Variants in LIMCH1 observed in about 807,000 individuals in gnomAD.
LIMCH1 encodes the protein LIM and calponin homology domains 1.
A neutral mutation model predicts 176.5 loss-of-function variants in LIMCH1; 113 were observed. The observed-to-expected ratio is 0.64, with a 90% CI of 0.55 to 0.75. LIMCH1 has a LOEUF of 0.75. Ranked by LOEUF, LIMCH1 falls within the 30% of genes least tolerant of loss-of-function variation. The pLI is 0.00. For synonymous variants in LIMCH1, 619 were observed against 645.9 expected, an observed-to-expected ratio of 0.96 and a Z score of 0.63; for missense variants, 1,674 against 1,814.9, an observed-to-expected ratio of 0.92 and a Z score of 1.41.
intron 1 of LIMCH1, among the ~76,000 whole-genome samples, chr4:41,368,730 G>A (rs1581103446): frequency 1.3e-5 from 2 of 152,248 alleles, no homozygotes; most frequent in South Asian, 4.1e-4. Context: ...TAGGGCAGGG[G>A]GTGAAGGTAC....
At chr4:41,587,249 T>C (rs969172879) in intron 1 of LIMCH1, among the ~76,000 whole-genome samples, 2 of 152,260 alleles carry the variant, frequency 1.3e-5, no homozygotes, top group African/African-American at 4.8e-5. Flanking sequence ...TAGTTTTGTC[T>C]GCCCTAGGGA....
chr4:41,569,528 AAAG>A (rs1473443867), intron 1 of LIMCH1, among the ~76,000 whole-genome samples: 1 of 152,170 alleles, frequency 6.6e-6, no homozygotes. Context: ...ACGCGAAGTA[AAAG>A]AATAGGAGGG....
At chr4:41,497,805 C>CAAA (rs58720797) in intron 2 of LIMCH1, among the ~76,000 whole-genome samples, 26,613 of 140,194 alleles carry the variant, frequency 0.19, 3,509 homozygotes, top group African/African-American at 0.38. Context: ...AACTTCGTCT[C>CAAA]AAAAAAAAAA....
upstream of LIMCH1, among the ~76,000 whole-genome samples, chr4:41,534,375 G>C (rs2077651466): frequency 6.6e-6 from 1 of 152,158 alleles, no homozygotes; most frequent in Admixed American, 6.5e-5. Flanking sequence ...TAAAAAAGGT[G>C]TACATCTTAG....
At position 41,632,809 on chromosome 4, in the gene LIMCH1, G is replaced by A. The variant is rs187942563; in HGVS notation, c.1662G>A (p.Pro554=). Residue 554 remains proline, a synonymous_variant, in exon 11 of 32, where the codon CCG becomes CCA. Transcript: ENST00000503057. Reference sequence around the variant, plus strand: ...GGGCCTCGTGGCTGGCTCCTGTGCCGGAGTCTCAGGAAGAGTGGGTCTGCA... The same window carrying A: ...GGGCCTCGTGGCTGGCTCCTGTGCCAGAGTCTCAGGAAGAGTGGGTCTGCA... ...CRRASWLAPV[P]ESQEEWVCSL... 7.0e-3 allele frequency: 10,736 copies of A among 1,536,136 alleles called. 100 individuals carry two copies. Among genetic ancestry groups the A allele is most frequent in the Non-Finnish European group, 6.9e-3 (7,936 of 1,146,888 alleles).
intron 1 of LIMCH1, among the ~76,000 whole-genome samples, chr4:41,388,658 T>TC (rs2056817434): frequency 1.3e-5 from 2 of 152,124 alleles, no homozygotes; most frequent in African/African-American, 4.8e-5. Context: ...TTTTTTGTTT[T>TC]TGAGACAGAG....
intron 1 of LIMCH1, among the ~76,000 whole-genome samples, chr4:41,489,741 TG>T (rs2070400252): frequency 6.6e-6 from 1 of 151,930 alleles, no homozygotes; most frequent in South Asian, 2.1e-4. Context: ...GAGAGTTACA[TG>T]GGCACTTGAA....
intron 16 of LIMCH1, 28 bp downstream of exon 16, chr4:41,646,308 T>G: frequency 6.3e-7 from 1 of 1,583,182 alleles, no homozygotes; most frequent in Non-Finnish European, 8.5e-7. Flanking sequence ...TCGTTTTTAA[T>G]GTACAATATT....
At chr4:41,609,660 G>A (rs1285716428) in intron 4 of LIMCH1, 1 of 455,902 alleles carries the variant, frequency 2.2e-6, no homozygotes, top group South Asian at 1.5e-5. Flanking sequence ...AGGAAGATGA[G>A]TAAAATAATC....
chr4:41,684,431 C>T lies in LIMCH1; in HGVS notation c.3880C>T (p.Pro1294Ser). 2 of 1,613,630 alleles carry T rather than the reference C, an allele frequency of 1.2e-6. No individual in the cohort carries two copies. Among genetic ancestry groups the T allele is most frequent in the Non-Finnish European group, 8.5e-7 (1 of 1,179,788 alleles). ...TEGALAHSGN[P>S]VSKGVHEDHQ... ...AGGGGCCTTGGCTCATTCTGGGAAC[C>T]CTGTATCAAAAGGAGTCCATGAAGA... The change falls in exon 27 of 32, where the codon CCT becomes TCT. Residue 1294 changes from proline to serine, a missense_variant. This residue lies in a region of LIMCH1 where 1,015 missense variants were observed against 1,102.5 expected (regional missense o/e 0.92). Transcript: ENST00000503057.
At chr4:41,612,900 T>C in intron 4 of LIMCH1, 1 of 1,432,072 alleles carries the variant, frequency 7.0e-7, no homozygotes, top group African/African-American at 1.4e-5. Flanking sequence ...CAGCTCCCTT[T>C]CAGAGCAGGA....
chr4:41,364,558 A>C (rs559220645), intron 1 of LIMCH1, among the ~76,000 whole-genome samples: 16 of 152,306 alleles, frequency 1.1e-4, no homozygotes, highest in African/African-American at 3.8e-4. Flanking sequence ...TCTAATTTGC[A>C]CTAAAAGTGA....
At chr4:41,559,974 G>C (rs552130725) in intron 1 of LIMCH1, among the ~76,000 whole-genome samples, 105 of 152,056 alleles carry the variant, frequency 6.9e-4, no homozygotes, top group Non-Finnish European at 1.3e-3. Flanking sequence ...TGATAGTCCC[G>C]ATCTCTTTCC....
chr4:41,470,368 A>G lies in LIMCH1; in HGVS notation c.97-24168A>G, dbSNP rs551700654. ...TGTAAGGCTAGACCTTACCCTTGTGATCTACATCCTTTCACCCATTCAGAG... is the reference window on the plus strand; with the variant it reads ...TGTAAGGCTAGACCTTACCCTTGTGGTCTACATCCTTTCACCCATTCAGAG... On this transcript the variant is annotated intron_variant, in intron 1 of 26. Coordinates refer to the LIMCH1 transcript ENST00000313860. 4.6e-5 allele frequency among the ~76,000 whole-genome samples: 7 copies of G among 152,222 alleles called. No homozygotes were observed. The South Asian group carries it at 1.5e-3, about 32-fold the overall frequency.
intron 23 of LIMCH1, among the ~76,000 whole-genome samples, chr4:41,676,983 C>T (rs1450883722): frequency 4.6e-5 from 7 of 151,206 alleles, no homozygotes; most frequent in African/African-American, 1.7e-4. Context: ...GCCAACATGA[C>T]GAAACCCCGT....
chr4:41,666,624 C>T lies in LIMCH1; in HGVS notation c.3355C>T (p.Pro1119Ser). The change falls in exon 21 of 32, where the codon CCT (proline) becomes TCT (serine). Residue 1119 changes from proline (P) to serine (S), a missense_variant. By Grantham distance (74) the Pro-to-Ser change is moderately conservative. Around this residue, in one of 3 missense-constraint regions of LIMCH1, gnomAD observed 1,015 missense variants for 1,102.5 expected, o/e 0.92. Transcript: ENST00000503057. ...TLTFPFLDKM[P>S]EANQLHLPNL... ...GACATTTCCATTTCTGGACAAAATG[C>T]CTGAAGCCAACCAACTACATTTGCC... 1 of 1,613,908 alleles carries T rather than the reference C, an allele frequency of 6.2e-7. No individual in the cohort carries two copies.
At chr4:41,558,247 G>GA (rs931976281) in intron 1 of LIMCH1, among the ~76,000 whole-genome samples, 45 of 147,684 alleles carry the variant, frequency 3.0e-4, no homozygotes, top group Admixed American at 1.2e-3. Context: ...TACCAACATT[G>GA]AAAAAAAAAA....
chr4:41,469,553 G>C (rs1243024819), intron 1 of LIMCH1, among the ~76,000 whole-genome samples: 1 of 152,026 alleles, frequency 6.6e-6, no homozygotes, highest in African/African-American at 2.4e-5. Flanking sequence ...TTCCAAAAAA[G>C]CTTTCCTTTT....
At chr4:41,383,393 T>C (rs1179376627) in intron 1 of LIMCH1, among the ~76,000 whole-genome samples, 1 of 152,230 alleles carries the variant, frequency 6.6e-6, no homozygotes, top group African/African-American at 2.4e-5. Context: ...AATGTGTGGG[T>C]GCCAGTGAAG....
Sources: allele counts gnomAD v4.1 joint callset (sites outside exome capture counted in the v4.1 genomes callset), GRCh38; gene constraint gnomAD v4.1.1; regional missense constraint gnomAD v4.1.1; transcripts MANE v1.5; gene names NCBI Gene and HGNC (gene_info 2026-07-23, HGNC 2026-07-21).